Variants in RIMS2 observed in about 807,000 individuals in gnomAD.
The protein encoded by RIMS2 is regulating synaptic membrane exocytosis 2.
In RIMS2, 59 loss-of-function variants were observed where a neutral mutation model predicts 174.4. The observed-to-expected ratio is 0.34, with a 90% CI of 0.27 to 0.42. The LOEUF is 0.42. RIMS2 is among the 10% of genes least tolerant of loss of function. The pLI, the probability that RIMS2 is intolerant of heterozygous loss-of-function variation, is 1.00. For missense variants in RIMS2, 1,620 were observed against 1,666.3 expected (o/e 0.97, Z 0.48); for synonymous variants, 606 against 572.5 (o/e 1.06, Z -0.84).
At chr8:103,847,935 A>C (rs1463982744) in intron 3 of RIMS2, among the ~76,000 whole-genome samples, 1 of 151,918 alleles carries the variant, frequency 6.6e-6, no homozygotes, top group East Asian at 1.9e-4. Flanking sequence ...GGATGAATTC[A>C]TTGGTTTTCT....
intron 1 of RIMS2, among the ~76,000 whole-genome samples, chr8:103,505,322 T>G (rs1396047844): frequency 6.6e-6 from 1 of 152,208 alleles, no homozygotes; most frequent in African/African-American, 2.4e-5. Context: ...TACATGTATG[T>G]ATGGATGGAT....
intron 1 of RIMS2, among the ~76,000 whole-genome samples, chr8:103,576,303 A>G (rs1004256784): frequency 2.0e-5 from 3 of 152,224 alleles, no homozygotes; most frequent in African/African-American, 7.2e-5. Flanking sequence ...AAACAACCAT[A>G]AGAAAGAAAA....
At chr8:103,808,976 G>A (rs2098668781) in intron 3 of RIMS2, among the ~76,000 whole-genome samples, 1 of 152,060 alleles carries the variant, frequency 6.6e-6, no homozygotes, top group South Asian at 2.1e-4. Context: ...TATATCTGTT[G>A]ACTCAAAAAG....
chr8:103,615,439 A>C (rs771275289), intron 1 of RIMS2, among the ~76,000 whole-genome samples: 1 of 152,198 alleles, frequency 6.6e-6, no homozygotes, highest in African/African-American at 2.4e-5. Context: ...AAGATCTCAC[A>C]TTAACAACCT....
chr8:103,900,994 C>A (rs73697698), intron 4 of RIMS2, among the ~76,000 whole-genome samples: 1 of 152,036 alleles, frequency 6.6e-6, no homozygotes, highest in South Asian at 2.1e-4. Context: ...GCTCAATGAT[C>A]TTCTCCTTAG....
At position 104,048,784 on chromosome 8, in the gene RIMS2, AC is replaced by A. The variant is rs1199278967; in HGVS notation, c.3334+34170del. ...AAGTAATGTCTGTAAAAAACTTGTT[AC>A]AAAGTTTCATCCATAGTAAATAATC... is the stretch of plus-strand genomic sequence containing the variant. On this transcript the variant is annotated intron_variant, in intron 19 of 23. Coordinates refer to ENST00000504942, the Ensembl canonical transcript of RIMS2. 1.1e-4 allele frequency among the ~76,000 whole-genome samples: 17 copies of A among 152,222 alleles called. No homozygotes were observed. The South Asian group carries it at 3.5e-3, about 32-fold the overall frequency.
At chr8:104,016,954 T>A (rs1005407703) in intron 19 of RIMS2, among the ~76,000 whole-genome samples, 5 of 152,078 alleles carry the variant, frequency 3.3e-5, no homozygotes, top group Admixed American at 6.5e-5. Flanking sequence ...AGTCCCCAAT[T>A]GTGATTTTTC....
chr8:104,105,091 A>T (rs962897303), intron 19 of RIMS2, among the ~76,000 whole-genome samples: 6 of 152,150 alleles, frequency 3.9e-5, no homozygotes, highest in African/African-American at 1.4e-4. Flanking sequence ...ATCCTTTAGG[A>T]TTGTGGTAAA....
intron 2 of RIMS2, among the ~76,000 whole-genome samples, chr8:103,706,278 T>C (rs1425977134): frequency 2.6e-5 from 4 of 152,164 alleles, no homozygotes; most frequent in African/African-American, 9.6e-5. Flanking sequence ...TTTCAACAGA[T>C]TGTTGTAGTT....
At chr8:103,716,151 G>A (rs566573920) in intron 2 of RIMS2, among the ~76,000 whole-genome samples, 158 bp from the exon 5 acceptor site, 20 of 152,006 alleles carry the variant, frequency 1.3e-4, no homozygotes, top group Admixed American at 5.9e-4. Context: ...TAGAATTTTA[G>A]ATTTCAGTCA....
intron 1 of RIMS2, among the ~76,000 whole-genome samples, chr8:103,562,908 T>C (rs1193294493): frequency 1.3e-5 from 2 of 152,306 alleles, no homozygotes; most frequent in African/African-American, 4.8e-5. Context: ...CTGCCAAGGC[T>C]TGGGGCTTCC....
At chr8:103,509,075 G>A (rs1408081222) in intron 1 of RIMS2, among the ~76,000 whole-genome samples, 3 of 152,030 alleles carry the variant, frequency 2.0e-5, no homozygotes, top group African/African-American at 4.8e-5. Flanking sequence ...AGAGTTTGTA[G>A]CATTAATATG....
chr8:103,539,253 G>A (rs1563694580), intron 1 of RIMS2, among the ~76,000 whole-genome samples: 1 of 152,122 alleles, frequency 6.6e-6, no homozygotes, highest in Non-Finnish European at 1.5e-5. Flanking sequence ...AATCTTTGAT[G>A]GCTTCTCATT....
At chr8:103,848,103 T>A (rs1252505915) in intron 3 of RIMS2, among the ~76,000 whole-genome samples, 2 of 152,058 alleles carry the variant, frequency 1.3e-5, no homozygotes, top group Admixed American at 1.3e-4. Flanking sequence ...ATCAATCAGC[T>A]AAGCTATTCA....
chr8:103,757,635 T>C (rs545121205), intron 2 of RIMS2, among the ~76,000 whole-genome samples: 1 of 152,324 alleles, frequency 6.6e-6, no homozygotes, highest in Admixed American at 6.5e-5. Context: ...TGTTATCTTA[T>C]ATGGCCCCCA....
chr8:103,820,944 T>C (rs1444705428), intron 3 of RIMS2, among the ~76,000 whole-genome samples: 3 of 151,442 alleles, frequency 2.0e-5, no homozygotes, highest in Non-Finnish European at 4.4e-5. Context: ...AAAGCAAGTA[T>C]TGCTTTCTAA....
chr8:104,105,015 A>G (rs1418311264), intron 19 of RIMS2, among the ~76,000 whole-genome samples: 2 of 152,194 alleles, frequency 1.3e-5, no homozygotes, highest in Non-Finnish European at 2.9e-5. Context: ...AAATATGAAG[A>G]TAACTGGATT....
intron 15 of RIMS2, among the ~76,000 whole-genome samples, chr8:103,972,398 C>G (rs979298677): frequency 2.0e-5 from 3 of 152,000 alleles, no homozygotes; most frequent in Non-Finnish European, 4.4e-5. Context: ...TGTTATTATC[C>G]TAGTTAAAGC....
At chr8:103,547,510 G>T (rs1186928139) in intron 1 of RIMS2, among the ~76,000 whole-genome samples, 2 of 152,192 alleles carry the variant, frequency 1.3e-5, no homozygotes, top group Non-Finnish European at 2.9e-5. Context: ...AACTTAAGCA[G>T]TGTTAAGAGG....
Sources: allele counts gnomAD v4.1 joint callset (sites outside exome capture counted in the v4.1 genomes callset), GRCh38; gene constraint gnomAD v4.1.1; transcripts MANE v1.5; gene names NCBI Gene and HGNC (gene_info 2026-07-23, HGNC 2026-07-21).